ARHGAP23: variants seen among roughly 807,000 people sequenced by gnomAD.
The protein encoded by ARHGAP23 is Rho GTPase activating protein 23.
ARHGAP23 carries 34 observed loss-of-function variants against 136.3 expected under a neutral mutation model. That is an observed-to-expected ratio of 0.25 (90% confidence interval 0.19 to 0.33). The LOEUF is 0.33. Among genes scored for constraint, ARHGAP23 ranks in the 10% least tolerant of loss-of-function variants. ARHGAP23 has a pLI of 1.00. For synonymous variants in ARHGAP23, 832 were observed against 920.5 expected (o/e 0.90, Z 1.74); for missense variants, 1,808 against 2,139.0 (o/e 0.85, Z 3.05).
chr17:38,434,479 C>G (rs2038750691), intron 1 of ARHGAP23, among the ~76,000 whole-genome samples: 1 of 152,178 alleles, frequency 6.6e-6, no homozygotes, highest in Non-Finnish European at 1.5e-5. Flanking sequence ...GGAGAGACAG[C>G]ATGGGGCGGG....
intron 23 of ARHGAP23, 32 bp from the exon 24 acceptor site, chr17:38,509,912 G>C (rs768415636): frequency 8.0e-7 from 1 of 1,242,612 alleles, no homozygotes; most frequent in Non-Finnish European, 1.0e-6. Context: ...GAGTCCGGGC[G>C]CCCCCCGCAT....
intron 1 of ARHGAP23, among the ~76,000 whole-genome samples, chr17:38,454,703 A>T (rs769757363): frequency 6.6e-6 from 1 of 152,140 alleles, no homozygotes; most frequent in African/African-American, 2.4e-5. Flanking sequence ...GGGATGGACC[A>T]GGCTGGTAGG....
chr17:38,419,283 C>G (rs941694250), exon 1 of ARHGAP23: 2 of 151,622 alleles, frequency 1.3e-5, no homozygotes, highest in Non-Finnish European at 3.0e-5. Context: ...CCGCTACTTG[C>G]GCTTGGCGGT....
At position 38,453,456 on chromosome 17, in the gene ARHGAP23, T is replaced by C. The variant is rs1355544986; in HGVS notation, c.64-4646T>C. Among the ~76,000 whole-genome samples the C allele has an allele frequency of 4.8e-3, 540 of 113,392 alleles. 4 individuals carry two copies. Among genetic ancestry groups the C allele is most frequent in the East Asian group, 0.012 (46 of 3,870 alleles). The allele number at this position is 113,392 out of a possible 152,430, so 74.4% of individuals were successfully genotyped here. A position where few individuals can be genotyped will look rare whatever the true frequency, so the allele number is the denominator to read the frequency against. On this transcript the variant is annotated intron_variant, in intron 1 of 23. Coordinates refer to ENST00000622683, the MANE Select transcript of ARHGAP23 (RefSeq NM_001199417.2). ...GTGTGTGTGTGTGTGTGTGTGTGTG[T>C]GTGTGCGCGCGCGCGCTGGAAGGGT...
intron 16 of ARHGAP23, among the ~76,000 whole-genome samples, chr17:38,484,767 T>C (rs111244456): frequency 0.078 from 11,843 of 152,146 alleles, 580 homozygotes; most frequent in Non-Finnish European, 0.11. Flanking sequence ...ACGAGGTATA[T>C]TGGGTGTGTT....
intron 3 of ARHGAP23, 141 bp downstream of exon 3, chr17:38,461,073 G>T (rs1414753437): frequency 4.8e-6 from 7 of 1,450,938 alleles, no homozygotes; most frequent in African/African-American, 1.4e-5. Flanking sequence ...TCCTGTCTGT[G>T]CCCCTGGTCT....
At position 38,487,470 on chromosome 17, in the gene ARHGAP23, G is replaced by A. The variant is rs149249332; in HGVS notation, c.2986+1330G>A. Among the ~76,000 whole-genome samples the A allele has an allele frequency of 9.1e-3, 1,382 of 152,320 alleles. 21 individuals carry two copies. The highest frequency in any genetic ancestry group is 0.032 in the African/African-American group (1,335 of 41,564). On this transcript the variant is annotated intron_variant, in intron 17 of 23. Transcript: ENST00000622683. Reference sequence around the variant, plus strand: ...GTCCCGGTGAACCTTTCTGAGACCAGTGTCAATTGCACTCTGAGAAAGAGG... The same window carrying A: ...GTCCCGGTGAACCTTTCTGAGACCAATGTCAATTGCACTCTGAGAAAGAGG...
At chr17:38,503,411 C>A (rs1372833650) in intron 23 of ARHGAP23, among the ~76,000 whole-genome samples, 1 of 152,208 alleles carries the variant, frequency 6.6e-6, no homozygotes, top group Non-Finnish European at 1.5e-5. Flanking sequence ...CCTGAAGGGG[C>A]CGAGAAGCAT....
chr17:38,507,904 C>T (rs555803460), intron 23 of ARHGAP23, among the ~76,000 whole-genome samples: 1 of 152,350 alleles, frequency 6.6e-6, no homozygotes, highest in Admixed American at 6.5e-5. Flanking sequence ...CATTATTACA[C>T]CATGGCTGAA....
intron 1 of ARHGAP23, among the ~76,000 whole-genome samples, chr17:38,449,007 C>T (rs1196428831): frequency 2.0e-5 from 3 of 152,114 alleles, no homozygotes; most frequent in Admixed American, 6.5e-5. Context: ...TTTGTAGAGA[C>T]GGGGTTTCGC....
chr17:38,487,390 C>T (rs1203560520), intron 17 of ARHGAP23, among the ~76,000 whole-genome samples: 1 of 152,184 alleles, frequency 6.6e-6, no homozygotes, highest in African/African-American at 2.4e-5. Context: ...AGTCCTTGCA[C>T]GCCTGGATCT....
chr17:38,441,738 G>A (rs145573632), intron 1 of ARHGAP23, among the ~76,000 whole-genome samples: 1,606 of 152,274 alleles, frequency 0.011, 18 homozygotes, highest in African/African-American at 0.035. Flanking sequence ...TTGAGTCAAG[G>A]GAAGAAGGGG....
Position 38,469,671 on chromosome 17 carries a change from C to T in ARHGAP23, c.1916+36C>T, listed in dbSNP as rs2039698916. On this transcript the variant is annotated intron_variant, in intron 9 of 23. Transcript: ENST00000622683. ...GTCCGGACACGGGGTGGGGTGGCCA[C>T]AGCCACCGTGGCCAGCTGCTCTGGG... is the stretch of plus-strand genomic sequence containing the variant. 3.2e-6 allele frequency: 5 copies of T among 1,540,092 alleles called. No individual in the cohort carries two copies. The Admixed American group carries it at 5.9e-5, about 18-fold the overall frequency.
intron 7 of ARHGAP23, among the ~76,000 whole-genome samples, chr17:38,468,481 A>C (rs2039666367): frequency 6.6e-6 from 1 of 152,198 alleles, no homozygotes; most frequent in South Asian, 2.1e-4. Flanking sequence ...AGGGTAATGG[A>C]GAGGGATGGT....
chr17:38,509,919 G>T, intron 23 of ARHGAP23, 25 bp from the exon 24 acceptor site: 1 of 1,245,222 alleles, frequency 8.0e-7, no homozygotes, highest in South Asian at 4.1e-5. Context: ...GGCGCCCCCC[G>T]CATCCTGACC....
Position 38,510,451 on chromosome 17 carries a change from G to C in ARHGAP23, c.3955G>C (p.Ala1319Pro). 4 of 1,211,924 alleles carry C rather than the reference G, an allele frequency of 3.3e-6. No homozygotes were observed. Among genetic ancestry groups the C allele is most frequent in the Non-Finnish European group, 4.1e-6 (4 of 975,846 alleles). The allele number at this position is 1,211,924 out of a possible 1,614,324, so 75.1% of individuals were successfully genotyped here. A position where few individuals can be genotyped will look rare whatever the true frequency, so the allele number is the denominator to read the frequency against. The stretch of plus-strand genomic sequence containing the variant: ...CCACCTCATGCCCTGCGACACTCTG[G>C]CGCGCCGCCGCCTGGCCCGGGGCCG... ...SHHLMPCDTL[A>P]RRRLARGRPD... Residue 1319 changes from alanine (A) to proline (P), a missense_variant, in exon 24 of 24, where the codon GCG (alanine) becomes CCG (proline). By Grantham distance (27) the Ala-to-Pro change is conservative (BLOSUM62 -1). Around this residue, in one of 7 missense-constraint regions of ARHGAP23, gnomAD observed 506 missense variants for 455.8 expected, o/e 1.11. Transcript: ENST00000622683. This position sits in a 1 kb window ranked among gnomAD's most constrained non-coding sequence, Gnocchi z 4.6.
At chr17:38,478,621 G>A (rs2039957590) in intron 12 of ARHGAP23, among the ~76,000 whole-genome samples, 1 of 152,052 alleles carries the variant, frequency 6.6e-6, no homozygotes, top group Admixed American at 6.6e-5. Flanking sequence ...GTGTTAGCCA[G>A]GATGGTCTTG....
chr17:38,499,678 CCT>C (rs2040478439), intron 22 of ARHGAP23, among the ~76,000 whole-genome samples: 3 of 152,174 alleles, frequency 2.0e-5, no homozygotes, highest in African/African-American at 7.2e-5. Context: ...CCCCCCGCGC[CCT>C]GTGTGTCGTG....
intron 20 of ARHGAP23, among the ~76,000 whole-genome samples, chr17:38,493,239 G>A (rs1185648806): frequency 7.1e-6 from 1 of 141,564 alleles, no homozygotes; most frequent in Non-Finnish European, 1.5e-5. Flanking sequence ...GTCTCAGTCT[G>A]TCGCCCACAC....
Sources: gnomAD v4.1 joint callset for allele counts (sites outside exome capture counted in the v4.1 genomes callset) on GRCh38, gnomAD v4.1.1 for gene constraint, gnomAD v4.1.1 regional missense constraint, Gnocchi (gnomAD v3.1) non-coding constraint, MANE v1.5 for transcripts, NCBI Gene and HGNC (gene_info 2026-07-23, HGNC 2026-07-21) for gene names.